Variants in HPSE2 observed in about 807,000 individuals in gnomAD.
The protein encoded by HPSE2 is heparanase 2 (inactive).
In HPSE2, 38 loss-of-function variants were observed where a neutral mutation model predicts 60.5. The ratio of observed to expected loss-of-function variants is 0.63; its 90% CI spans 0.48 to 0.82. HPSE2 has a LOEUF of 0.82. Among genes scored for constraint, HPSE2 ranks in the 40% least tolerant of loss-of-function variants. The pLI is 0.00. For missense variants in HPSE2, 713 were observed against 740.4 expected, an observed-to-expected ratio of 0.96 and a Z score of 0.43; for synonymous variants, 295 against 293.2, an observed-to-expected ratio of 1.01 and a Z score of -0.06.
chr10:98,641,312 C>T (rs2134034962), intron 7 of HPSE2, among the ~76,000 whole-genome samples: 1 of 152,184 alleles, frequency 6.6e-6, no homozygotes, highest in African/African-American at 2.4e-5. Context: ...TTAGGTCAGG[C>T]ACAGCGGCTC....
chr10:99,294,277 C>T, the HPSE2 span, among the ~76,000 whole-genome samples: 1 of 149,728 alleles, frequency 6.7e-6, no homozygotes, highest in Non-Finnish European at 1.5e-5. Flanking sequence ...TTTATATGTA[C>T]ACATATATAT....
At chr10:99,101,329 G>C (rs1344173360) in intron 3 of HPSE2, among the ~76,000 whole-genome samples, 1 of 152,006 alleles carries the variant, frequency 6.6e-6, no homozygotes, top group Non-Finnish European at 1.5e-5. Context: ...AAAAGGCAGG[G>C]GTTGCAATCC....
intron 3 of HPSE2, among the ~76,000 whole-genome samples, chr10:99,112,436 T>C (rs939349247): frequency 6.7e-6 from 1 of 148,924 alleles, no homozygotes; most frequent in African/African-American, 2.6e-5. Flanking sequence ...TGTTTTGTTT[T>C]GTTTTGTTTT....
At chr10:98,748,266 T>C (rs1589757567) in intron 3 of HPSE2, among the ~76,000 whole-genome samples, 2 of 152,186 alleles carry the variant, frequency 1.3e-5, no homozygotes, top group South Asian at 4.2e-4. Context: ...GATCACACCA[T>C]TGCACTCCAG....
intron 9 of HPSE2, among the ~76,000 whole-genome samples, chr10:98,602,309 G>T (rs749986596): frequency 4.0e-4 from 61 of 152,110 alleles, no homozygotes; most frequent in Non-Finnish European, 1.2e-4. Flanking sequence ...ATGCAATGTG[G>T]TTGTGCTTAC....
intron 10 of HPSE2, among the ~76,000 whole-genome samples, chr10:98,487,190 A>G (rs1941472795): frequency 6.6e-6 from 1 of 152,236 alleles, no homozygotes; most frequent in Admixed American, 6.5e-5. Context: ...TTCTCTGAAC[A>G]AGAAGATCGA....
chr10:99,293,391 T>C, the HPSE2 span, among the ~76,000 whole-genome samples: 1 of 152,148 alleles, frequency 6.6e-6, no homozygotes, highest in African/African-American at 2.4e-5. Flanking sequence ...ATAATGCACA[T>C]TGAAATAAAA....
At chr10:99,046,397 G>A (rs1487447388) in intron 3 of HPSE2, among the ~76,000 whole-genome samples, 1 of 152,006 alleles carries the variant, frequency 6.6e-6, no homozygotes, top group Non-Finnish European at 1.5e-5. Context: ...AAAACTGGAA[G>A]CATTCCCCTT....
chr10:99,056,634 A>T (rs1958120534), intron 3 of HPSE2, among the ~76,000 whole-genome samples: 1 of 152,304 alleles, frequency 6.6e-6, no homozygotes, highest in Non-Finnish European at 1.5e-5. Context: ...AAATTAGTTG[A>T]TGTGAAATGG....
At chr10:98,736,159 T>C (rs1949352192) in intron 4 of HPSE2, among the ~76,000 whole-genome samples, 1 of 151,822 alleles carries the variant, frequency 6.6e-6, no homozygotes, top group Non-Finnish European at 1.5e-5. Flanking sequence ...CTCATGGTAG[T>C]GAATAAGTCT....
chr10:99,013,067 T>C, intron 3 of HPSE2: 1 of 563,854 alleles, frequency 1.8e-6, no homozygotes, highest in Non-Finnish European at 3.3e-6. Context: ...GCACTTCATT[T>C]ATACAAAGTC....
At chr10:98,758,707 A>G (rs1212915048) in intron 3 of HPSE2, among the ~76,000 whole-genome samples, 1 of 152,206 alleles carries the variant, frequency 6.6e-6, no homozygotes, top group Non-Finnish European at 1.5e-5. Context: ...GAGCTTGCGG[A>G]GAAAAACGAA....
chr10:98,591,045 C>T (rs1373657959), intron 9 of HPSE2, among the ~76,000 whole-genome samples: 4 of 151,892 alleles, frequency 2.6e-5, no homozygotes, highest in Admixed American at 2.6e-4. Flanking sequence ...TCTGAACAAG[C>T]TATAGTAATC....
At chr10:98,838,802 G>A (rs1006963846) in intron 3 of HPSE2, among the ~76,000 whole-genome samples, 204 of 152,220 alleles carry the variant, frequency 1.3e-3, no homozygotes, top group Non-Finnish European at 2.0e-3. Context: ...AGGAATGTGG[G>A]AAGTTGTCCA....
chr10:98,482,655 G>C lies in HPSE2; in HGVS notation c.1594C>G (p.Gln532Glu). 6.2e-7 allele frequency: 1 copy of C among 1,614,160 alleles called. No homozygotes were observed. The change falls in exon 11 of 12, where the codon CAG becomes GAG. Residue 532 changes from glutamine (Q) to glutamate (E), a missense_variant. Transcript: ENST00000370552. ...VHQYLLQPYGQEGLKSKSVQL... is the reference protein window; with the variant it reads ...VHQYLLQPYGEEGLKSKSVQL... The stretch of plus-strand genomic sequence containing the variant: ...ACGTACTTGGACTTTAGGCCCTCCT[G>C]CCCATAGGGCTGCAGCAGGTACTGG...
At chr10:98,933,454 A>G (rs967470493) in intron 3 of HPSE2, among the ~76,000 whole-genome samples, 3 of 144,314 alleles carry the variant, frequency 2.1e-5, no homozygotes, top group African/African-American at 8.4e-5. Flanking sequence ...AGCGTTCTAT[A>G]GATATCTATC....
At chr10:99,140,792 A>G (rs1845839126) in intron 3 of HPSE2, among the ~76,000 whole-genome samples, 1 of 152,178 alleles carries the variant, frequency 6.6e-6, no homozygotes, top group Non-Finnish European at 1.5e-5. Context: ...TAATCCCAGC[A>G]CTCTGGGAGG....
chr10:99,143,229 A>T (rs1001451307), intron 3 of HPSE2, among the ~76,000 whole-genome samples: 2 of 152,098 alleles, frequency 1.3e-5, no homozygotes, highest in Non-Finnish European at 2.9e-5. Context: ...CTTTCATCTC[A>T]TGCTGTTGGG....
intron 5 of HPSE2, among the ~76,000 whole-genome samples, chr10:98,698,782 G>C (rs1325513476): frequency 1.3e-5 from 2 of 152,118 alleles, no homozygotes; most frequent in Admixed American, 6.6e-5. Flanking sequence ...GAATCAAATA[G>C]ATGCAATAAA....
Sources: allele counts gnomAD v4.1 joint callset (sites outside exome capture counted in the v4.1 genomes callset), GRCh38; gene constraint gnomAD v4.1.1; transcripts MANE v1.5; gene names NCBI Gene and HGNC (gene_info 2026-07-23, HGNC 2026-07-21).